TPTE: variants seen among roughly 807,000 people sequenced by gnomAD.
TPTE encodes the protein transmembrane phosphatase with tensin homology, also known as putative tyrosine-protein phosphatase TPTE.
TPTE carries 59 observed loss-of-function variants against 84.1 expected under a neutral mutation model. The observed-to-expected ratio is 0.70, with a 90% CI of 0.57 to 0.87. The LOEUF is 0.87. TPTE is among the 40% of genes least tolerant of loss of function. TPTE has a pLI of 0.00. For missense variants in TPTE, 382 were observed against 659.6 expected (o/e 0.58, Z 4.61); for synonymous variants, 130 against 223.5 (o/e 0.58, Z 3.73).
chr21:10,530,572 A>G (rs1253792140), intron 3 of TPTE, among the ~76,000 whole-genome samples: 2 of 152,310 alleles, frequency 1.3e-5, no homozygotes, highest in Non-Finnish European at 2.9e-5. Context: ...CCTAGTGAGG[A>G]ACACATATAT....
chr21:10,540,515 C>G (rs573219102), intron 4 of TPTE, among the ~76,000 whole-genome samples: 3 of 152,256 alleles, frequency 2.0e-5, no homozygotes, highest in Admixed American at 6.5e-5. Flanking sequence ...GCGAATCCTG[C>G]TTGCAGGGAG....
intron 4 of TPTE, chr21:10,540,865 GAGGTGTAGATACCCTTA>G: frequency 1.6e-6 from 1 of 643,638 alleles, no homozygotes; most frequent in South Asian, 1.4e-5. Flanking sequence ...GTTACACCTT[GAGGTGTAGATACCCTTA>G]CTTAATCTGC....
intron 1 of TPTE, among the ~76,000 whole-genome samples, chr21:10,522,560 A>G (rs2074001770): frequency 1.3e-5 from 2 of 152,304 alleles, no homozygotes; most frequent in Non-Finnish European, 2.9e-5. Context: ...ATTGTTTCTT[A>G]TTGTAGTTTT....
chr21:10,528,812 A>T (rs1289272774), intron 3 of TPTE, among the ~76,000 whole-genome samples: 21 of 152,422 alleles, frequency 1.4e-4, no homozygotes, highest in Non-Finnish European at 2.4e-4. Context: ...TTTATTCTGT[A>T]TACTTTATGA....
At chr21:10,603,967 T>A (rs1008756431) in intron 23 of TPTE, among the ~76,000 whole-genome samples, 2 of 152,308 alleles carry the variant, frequency 1.3e-5, no homozygotes, top group African/African-American at 4.8e-5. Context: ...GTCAGGTCCC[T>A]GTCAGTAGGT....
intron 14 of TPTE, among the ~76,000 whole-genome samples, chr21:10,575,885 A>AT (rs1283888705): frequency 7.9e-5 from 12 of 152,302 alleles, no homozygotes; most frequent in East Asian, 3.8e-4. Context: ...CCACAATGAG[A>AT]TACCATCTCA....
chr21:10,598,895 A>C (rs1490832695), intron 21 of TPTE, among the ~76,000 whole-genome samples: 3 of 152,298 alleles, frequency 2.0e-5, no homozygotes, highest in African/African-American at 4.8e-5. Context: ...GCCTCTCCCG[A>C]CTGAGGGCAT....
At chr21:10,521,742 G>T (rs191106870) in intron 1 of TPTE, 48 bp downstream of exon 1, 1,643 of 150,428 alleles carry the variant, frequency 0.011, no homozygotes, top group Admixed American at 0.021. Context: ...GGTGGGGGAC[G>T]CTCCTTTTTG....
chr21:10,528,626 T>G (rs1320310083), intron 3 of TPTE, among the ~76,000 whole-genome samples: 2 of 152,310 alleles, frequency 1.3e-5, no homozygotes, highest in Non-Finnish European at 2.9e-5. Context: ...ATATAATTGG[T>G]ACTTTTATAA....
At chr21:10,547,712 T>G (rs1394894880) in intron 7 of TPTE, among the ~76,000 whole-genome samples, 1 of 152,306 alleles carries the variant, frequency 6.6e-6, no homozygotes, top group Non-Finnish European at 1.5e-5. Flanking sequence ...GAGCTTTATC[T>G]TCAGTACACC....
intron 14 of TPTE, among the ~76,000 whole-genome samples, chr21:10,572,450 CAAAAAAAAAAAAA>C (rs58796102): frequency 7.6e-6 from 1 of 131,986 alleles, no homozygotes; most frequent in African/African-American, 2.8e-5. Context: ...AGACTGTATC[CAAAAAAAAAAAAA>C]AAAAAAAAAG....
intron 10 of TPTE, among the ~76,000 whole-genome samples, chr21:10,564,390 A>G (rs2074873032): frequency 6.6e-6 from 1 of 152,086 alleles, no homozygotes; most frequent in Non-Finnish European, 1.5e-5. Flanking sequence ...GGCACCTGTA[A>G]TTTCAGCTAC....
At chr21:10,565,135 T>C (rs1222209725) in intron 10 of TPTE, among the ~76,000 whole-genome samples, 1 of 152,310 alleles carries the variant, frequency 6.6e-6, no homozygotes, top group Non-Finnish European at 1.5e-5. Context: ...AAAAAACTAT[T>C]AGAATTGATA....
intron 14 of TPTE, among the ~76,000 whole-genome samples, chr21:10,572,522 A>T (rs113291364): frequency 1.0e-3 from 156 of 152,032 alleles, no homozygotes; most frequent in African/African-American, 3.3e-3. Flanking sequence ...ATATAAGGGA[A>T]ACTCCATTTG....
chr21:10,589,289 C>T (rs1454343990), intron 17 of TPTE, among the ~76,000 whole-genome samples: 6 of 152,296 alleles, frequency 3.9e-5, no homozygotes, highest in Admixed American at 3.3e-4. Context: ...TGCACTTCTG[C>T]CAGCAGGTTT....
chr21:10,557,005 C>T (rs2074698241), intron 8 of TPTE, among the ~76,000 whole-genome samples: 1 of 152,310 alleles, frequency 6.6e-6, no homozygotes, highest in South Asian at 2.1e-4. Context: ...CCTGTTCACT[C>T]TGATGGTAGT....
intron 7 of TPTE, 96 bp downstream of exon 7, chr21:10,543,478 T>A: frequency 6.3e-7 from 1 of 1,599,308 alleles, no homozygotes; most frequent in Middle Eastern, 1.7e-4. Flanking sequence ...TCCATCTTCA[T>A]CCATACACAC....
At chr21:10,549,058 A>T (rs565958133) in intron 7 of TPTE, among the ~76,000 whole-genome samples, 10 of 152,416 alleles carry the variant, frequency 6.6e-5, no homozygotes, top group Admixed American at 6.5e-4. Flanking sequence ...AGGCTGCACC[A>T]CCATCACTAC....
chr21:10,533,807 C>T (rs2074222590), intron 3 of TPTE, among the ~76,000 whole-genome samples: 1 of 152,312 alleles, frequency 6.6e-6, no homozygotes, highest in Non-Finnish European at 1.5e-5. Context: ...AAGCTTTAGA[C>T]AAGGTAAATT....
Sources: allele counts gnomAD v4.1 joint callset (sites outside exome capture counted in the v4.1 genomes callset), GRCh38; gene constraint gnomAD v4.1.1; transcripts MANE v1.5; gene names NCBI Gene and HGNC (gene_info 2026-07-23, HGNC 2026-07-21).